AFG2A: variants seen among roughly 807,000 people sequenced by gnomAD.
AFG2A encodes AAA ATPase AFG2A, also known as ATPase family gene 2 protein homolog A.
the AFG2A span, among the ~76,000 whole-genome samples, chr4:122,969,956 GATT>G: frequency 6.6e-6 from 1 of 152,286 alleles, no homozygotes; most frequent in South Asian, 2.1e-4. Flanking sequence ...GGCTCTGTAA[GATT>G]ATAATGGAGC....
At chr4:122,955,163 A>AGTG in the AFG2A span, among the ~76,000 whole-genome samples, 13 of 152,228 alleles carry the variant, frequency 8.5e-5, no homozygotes, top group African/African-American at 2.7e-4. Context: ...GGGACAGTCC[A>AGTG]GTGGTGGTGG....
the AFG2A span, among the ~76,000 whole-genome samples, chr4:123,281,881 G>A: frequency 2.0e-5 from 3 of 152,068 alleles, no homozygotes; most frequent in African/African-American, 7.2e-5. Flanking sequence ...ATGATATTCT[G>A]GAAAAAACAA....
the AFG2A span, among the ~76,000 whole-genome samples, chr4:123,120,090 C>T: frequency 6.6e-6 from 1 of 152,074 alleles, no homozygotes; most frequent in Non-Finnish European, 1.5e-5. Context: ...GTGGACACAA[C>T]CAAACCATAT....
the AFG2A span, among the ~76,000 whole-genome samples, chr4:123,007,391 T>G: frequency 6.6e-6 from 1 of 151,760 alleles, no homozygotes; most frequent in African/African-American, 2.4e-5. Context: ...TCTTGTGTGT[T>G]TTCTTCACGT....
chr4:122,958,192 TAG>T, the AFG2A span, among the ~76,000 whole-genome samples: 1 of 152,210 alleles, frequency 6.6e-6, no homozygotes, highest in Non-Finnish European at 1.5e-5. Flanking sequence ...TTCAAAAATG[TAG>T]GACAGTGAGG....
At chr4:122,959,819 C>T in the AFG2A span, among the ~76,000 whole-genome samples, 1 of 152,186 alleles carries the variant, frequency 6.6e-6, no homozygotes, top group Non-Finnish European at 1.5e-5. Context: ...CTCTCAACAT[C>T]TCTAATCTTT....
the AFG2A span, among the ~76,000 whole-genome samples, chr4:123,131,832 G>A: frequency 7.3e-6 from 1 of 137,614 alleles, no homozygotes; most frequent in African/African-American, 2.5e-5. Flanking sequence ...TTTTTGATAT[G>A]TACTCAGAAG....
the AFG2A span, among the ~76,000 whole-genome samples, chr4:123,251,931 C>T: frequency 2.0e-5 from 3 of 152,034 alleles, no homozygotes; most frequent in African/African-American, 7.2e-5. Context: ...ATTTGATAGA[C>T]AATCACCCTC....
At chr4:123,115,197 G>T in the AFG2A span, among the ~76,000 whole-genome samples, 1 of 152,102 alleles carries the variant, frequency 6.6e-6, no homozygotes, top group Non-Finnish European at 1.5e-5. Flanking sequence ...CCCGGCTCTC[G>T]GTGGCAGCCT....
the AFG2A span, among the ~76,000 whole-genome samples, chr4:123,106,609 CT>C: frequency 6.6e-6 from 1 of 152,242 alleles, no homozygotes; most frequent in East Asian, 1.9e-4. Flanking sequence ...CTTCTCCGCT[CT>C]TTTACCAACC....
chr4:123,193,030 A>T, the AFG2A span, among the ~76,000 whole-genome samples: 2 of 152,226 alleles, frequency 1.3e-5, no homozygotes, highest in Non-Finnish European at 2.9e-5. Flanking sequence ...TTGCTCGATC[A>T]TCAAGTGGCT....
chr4:123,184,532 C>CTTTTTTTTTTTT, the AFG2A span, among the ~76,000 whole-genome samples: 43 of 89,274 alleles, frequency 4.8e-4, 4 homozygotes, highest in African/African-American at 1.6e-3. Context: ...ATGATCATTT[C>CTTTTTTTTTTTT]TTTTTTTTTT....
the AFG2A span, among the ~76,000 whole-genome samples, chr4:123,182,427 T>C: frequency 6.6e-6 from 1 of 152,226 alleles, no homozygotes; most frequent in Non-Finnish European, 1.5e-5. Context: ...CCCAATGGTA[T>C]CAAATGCTCT....
the AFG2A span, among the ~76,000 whole-genome samples, chr4:123,042,129 G>A: frequency 0.011 from 1,690 of 152,196 alleles, 44 homozygotes; most frequent in African/African-American, 0.037. Flanking sequence ...TATTTTTGAA[G>A]CAGCATTGTG....
chr4:122,985,308 T>C, the AFG2A span, among the ~76,000 whole-genome samples: 573 of 152,214 alleles, frequency 3.8e-3, 2 homozygotes, highest in African/African-American at 0.013. Context: ...TTCGTATTTT[T>C]AGTAGAGATG....
the AFG2A span, among the ~76,000 whole-genome samples, chr4:123,032,774 G>A: frequency 2.0e-5 from 3 of 152,272 alleles, no homozygotes; most frequent in Admixed American, 6.5e-5. Context: ...ATGATGCCTG[G>A]CAGTAACAGT....
the AFG2A span, among the ~76,000 whole-genome samples, chr4:123,146,828 A>G: frequency 2.0e-5 from 3 of 152,120 alleles, no homozygotes; most frequent in African/African-American, 7.2e-5. Flanking sequence ...GGCAAAGCGC[A>G]CAGGGTTTGA....
At chr4:122,977,765 A>G in the AFG2A span, among the ~76,000 whole-genome samples, 3 of 152,250 alleles carry the variant, frequency 2.0e-5, no homozygotes, top group Admixed American at 2.0e-4. Flanking sequence ...CAAGGCAGAG[A>G]GGAGCTTCAT....
the AFG2A span, among the ~76,000 whole-genome samples, chr4:123,063,293 T>C: frequency 6.6e-6 from 1 of 152,208 alleles, no homozygotes; most frequent in Non-Finnish European, 1.5e-5. Flanking sequence ...ACTCATGGAA[T>C]AGGAAAACAG....
Sources: allele counts gnomAD v4.1 joint callset (sites outside exome capture counted in the v4.1 genomes callset), GRCh38; gene constraint gnomAD v4.1.1; transcripts MANE v1.5; gene names NCBI Gene and HGNC (gene_info 2026-07-23, HGNC 2026-07-21).